The following ZKSCAN7 variants were observed in gnomAD, a reference collection of about 807,000 sequenced individuals.
ZKSCAN7 encodes the protein zinc finger protein with KRAB and SCAN domains 7.
A neutral mutation model predicts 65.3 loss-of-function variants in ZKSCAN7; 38 were observed. The ratio of observed to expected loss-of-function variants is 0.58; its 90% confidence interval spans 0.45 to 0.76. The LOEUF (loss-of-function observed/expected upper bound fraction) is 0.76, where lower values mean the gene tolerates loss of function less well. Among genes scored for constraint, ZKSCAN7 ranks in the 30% least tolerant of loss-of-function variants. The pLI is 0.00. For missense variants in ZKSCAN7, 815 were observed against 913.3 expected, an observed-to-expected ratio of 0.89 and a Z score of 1.39; for synonymous variants, 321 against 321.0, an observed-to-expected ratio of 1.00 and a Z score of 0.00.
chr3:44,577,458 CG>C (rs1016260594), intron 5 of ZKSCAN7, among the ~76,000 whole-genome samples: 6 of 152,112 alleles, frequency 3.9e-5, no homozygotes, highest in African/African-American at 1.2e-4. Flanking sequence ...GCCAGACTAG[CG>C]GGTGAGGAGT....
At chr3:44,579,451 C>CCTCTT (rs1700010808) in intron 5 of ZKSCAN7, among the ~76,000 whole-genome samples, 1 of 152,206 alleles carries the variant, frequency 6.6e-6, no homozygotes, top group South Asian at 2.1e-4. Context: ...ACGTGCGGCT[C>CCTCTT]CTCTTCTGCT....
intron 5 of ZKSCAN7, among the ~76,000 whole-genome samples, chr3:44,581,224 T>A (rs982594630): frequency 8.8e-5 from 13 of 147,202 alleles, no homozygotes; most frequent in African/African-American, 2.4e-4. Flanking sequence ...GACGCCCAGC[T>A]CCCGCCCGCA....
chr3:44,569,109 T>C (rs903763614), intron 5 of ZKSCAN7, among the ~76,000 whole-genome samples: 1 of 152,212 alleles, frequency 6.6e-6, no homozygotes, highest in African/African-American at 2.4e-5. Flanking sequence ...GCTATAGCCA[T>C]TACGCATCAT....
At chr3:44,572,201 C>T (rs184965084), downstream of ZKSCAN7, 302 of 985,412 alleles carry the variant, frequency 3.1e-4, no homozygotes, top group Middle Eastern at 5.2e-4. Context: ...CGATCTTTCT[C>T]CCCTCCCCAG....
At chr3:44,560,506 C>CTT (rs33986362) in intron 2 of ZKSCAN7, among the ~76,000 whole-genome samples, 7 of 108,410 alleles carry the variant, frequency 6.5e-5, no homozygotes, top group Non-Finnish European at 9.2e-5. Flanking sequence ...TTTCCTGTAT[C>CTT]TTTTTTTTTT....
Position 44,570,468 on chromosome 3 carries a change from A to G in ZKSCAN7, c.1358A>G (p.His453Arg). 6.2e-7 allele frequency: 1 copy of G among 1,614,214 alleles called. No homozygotes were observed. The highest frequency in any genetic ancestry group is 1.3e-5 in the African/African-American group (1 of 75,062). ...ECGKAYRHSS[H>R]LIQHQRLHNG... ...GGAAAGGCCTATAGGCACAGCTCCC[A>G]TCTCATTCAACACCAGAGACTCCAT... Residue 453 changes from histidine (H) to arginine (R), a missense_variant, in exon 6 of 6, where the codon CAT (histidine) becomes CGT (arginine). His to Arg is a conservative substitution (Grantham distance 29). Coordinates refer to ENST00000426540, the MANE Select transcript of ZKSCAN7 (RefSeq NM_001288590.2).
In ZKSCAN7 at chr3:44,557,275, G is replaced by A; in HGVS notation, c.228G>A (p.Arg76=). 1 of 1,614,268 alleles carries A rather than the reference G, an allele frequency of 6.2e-7. No homozygotes were observed. Among genetic ancestry groups the A allele is most frequent in the Non-Finnish European group, 8.5e-7 (1 of 1,180,054 alleles). The change falls in exon 2 of 6, where the codon CGG becomes CGA. Residue 76 remains arginine, a synonymous_variant. Coordinates refer to ENST00000426540, the MANE Select transcript of ZKSCAN7 (RefSeq NM_001288590.2). ...SGPQEALSRL[R]ELCRWWLMPE... is the part of the protein sequence containing the mutation. ...CGCAGGAAGCATTGAGCCGGCTTCG[G>A]GAGCTCTGCCGCTGGTGGCTCATGC...
In ZKSCAN7 at chr3:44,557,489, A is replaced by C. The variant is rs771107116; in HGVS notation, c.423+19A>C. 6.2e-7 allele frequency: 1 copy of C among 1,613,312 alleles called. No homozygotes were observed. The highest frequency in any genetic ancestry group is 1.3e-5 in the African/African-American group (1 of 75,004). Reference sequence around the variant, plus strand: ...AGAGGAGGTGAGCAGTTGAGTCTAGAATGGCGGCCTGATGCTTCTCTAATG... The same window carrying C: ...AGAGGAGGTGAGCAGTTGAGTCTAGCATGGCGGCCTGATGCTTCTCTAATG... On this transcript the variant is annotated intron_variant, in intron 2 of 5. Transcript: ENST00000426540.
rs963963294 is a variant in ZKSCAN7 at position 44,581,080 on chromosome 3, G to A, written c.812-1892G>A. ...GCCCGGCCGGCCTGGCGCTCCCGGCGGGCTAGGGGCTCAGCGCGGCCGCCG... is the reference window on the plus strand; with the variant it reads ...GCCCGGCCGGCCTGGCGCTCCCGGCAGGCTAGGGGCTCAGCGCGGCCGCCG... On this transcript the variant is annotated intron_variant, in intron 5 of 5. Coordinates refer to the ZKSCAN7 transcript ENST00000341840. The A allele has an allele frequency of 1.8e-3, 2,006 of 1,136,296 alleles. 14 individuals carry two copies. The highest frequency in any genetic ancestry group is 1.9e-3 in the Non-Finnish European group (1,751 of 918,030). The allele number at this position is 1,136,296 out of a possible 1,614,324, so 70.4% of individuals were successfully genotyped here.
chr3:44,568,348 G>T lies in ZKSCAN7; in HGVS notation c.726G>T (p.Gln242His). 1 of 1,614,110 alleles carries T rather than the reference G, an allele frequency of 6.2e-7. No individual in the cohort carries two copies. The highest frequency in any genetic ancestry group is 8.5e-7 in the Non-Finnish European group (1 of 1,180,010). ...AGGACCTATCTGTAGACTACACTCA[G>T]AAGAAATGGAAAAGTCTCACACTCA... ...AYEDLSVDYT[Q>H]KKWKSLTLSQ... Residue 242 changes from glutamine (Q) to histidine (H), a missense_variant, in exon 5 of 6, where the codon CAG becomes CAT. By Grantham distance (24) the Gln-to-His change is conservative. This residue lies in a region of ZKSCAN7 where 578 missense variants were observed against 629.5 expected (regional missense o/e 0.92). Transcript: ENST00000426540.
rs1367862456 is a variant in ZKSCAN7 at position 44,557,128 on chromosome 3, G to GA, written c.83dup (p.Gln29AlafsTer72). On this transcript the variant is annotated frameshift_variant, in exon 2 of 6. Transcript: ENST00000426540. LOFTEE classifies it high-confidence loss of function. ...AGAAGCAAGAGGGGCGCCTGACTGT[G>GA]AAGCAGGAGCCAGCAAACCAGACCT... 6.2e-7 allele frequency: 1 copy of GA among 1,614,158 alleles called. No individual in the cohort carries two copies. Among genetic ancestry groups the GA allele is most frequent in the Admixed American group, 1.7e-5 (1 of 60,010 alleles).
At chr3:44,560,765 C>T (rs1434459753) in intron 2 of ZKSCAN7, among the ~76,000 whole-genome samples, 3 of 152,200 alleles carry the variant, frequency 2.0e-5, no homozygotes, top group Non-Finnish European at 4.4e-5. Flanking sequence ...GCCTCGTTCT[C>T]CCAAAGTGCT....
intron 2 of ZKSCAN7, among the ~76,000 whole-genome samples, chr3:44,564,888 C>T (rs371449523): frequency 2.0e-5 from 3 of 152,144 alleles, no homozygotes; most frequent in African/African-American, 7.2e-5. Flanking sequence ...GCAAACTCCA[C>T]CTCCCAGGAT....
rs1699797101 is a variant in ZKSCAN7 at position 44,571,180 on chromosome 3, C to T, written c.2070C>T (p.Pro690=). The T allele has an allele frequency of 1.8e-5, 29 of 1,614,170 alleles. No homozygotes were observed. The highest frequency in any genetic ancestry group is 2.5e-5 in the Non-Finnish European group (29 of 1,180,044). ...AGAGAACCCATACTGGGGAAAAACC[C>T]TATAAATGCAATGATTGTGGGAAAG... The part of the protein sequence containing the change: ...VHQRTHTGEK[P]YKCNDCGKAF... The change falls in exon 6 of 6, where the codon CCC becomes CCT. Residue 690 remains proline (P), a synonymous_variant. Transcript: ENST00000426540.
downstream of ZKSCAN7, among the ~76,000 whole-genome samples, chr3:44,574,986 C>T (rs945030890): frequency 6.6e-6 from 1 of 151,970 alleles, no homozygotes; most frequent in Non-Finnish European, 1.5e-5. Flanking sequence ...CTGTGCCCAG[C>T]AACCTATGTT....
chr3:44,572,057 C>A lies in ZKSCAN7; in HGVS notation c.*682C>A. On this transcript the variant is annotated 3_prime_UTR_variant, in exon 6 of 6. Transcript: ENST00000426540. ...TTTTGCGTGTCTGTATACTTTTATA[C>A]CAACTTATTGTAGGCTCTTTGAGGT... 1.0e-6 allele frequency: 1 copy of A among 985,316 alleles called. No homozygotes were observed. The highest frequency in any genetic ancestry group is 1.2e-6 in the Non-Finnish European group (1 of 829,840). The allele number at this position is 985,316 out of a possible 1,614,324, so 61.0% of individuals were successfully genotyped here.
In ZKSCAN7 at chr3:44,556,957, A is replaced by T; in HGVS notation, c.-91A>T. ...CACACTACCATCACCCCTTTCTCCA[A>T]CCCTGAAAAACAGTTCCTGAGACCT... On this transcript the variant is annotated 5_prime_UTR_variant, in exon 2 of 6. Coordinates refer to ENST00000426540, the MANE Select transcript of ZKSCAN7 (RefSeq NM_001288590.2). The T allele has an allele frequency of 1.3e-6, 2 of 1,560,472 alleles. No individual in the cohort carries two copies. The highest frequency in any genetic ancestry group is 1.7e-6 in the Non-Finnish European group (2 of 1,143,160).
Position 44,570,142 on chromosome 3 carries a change from A to T in ZKSCAN7, c.1032A>T (p.Glu344Asp). The change falls in exon 6 of 6, where the codon GAA becomes GAT. Residue 344 changes from glutamate (E) to aspartate (D), a missense_variant. Coordinates refer to ENST00000426540, the MANE Select transcript of ZKSCAN7 (RefSeq NM_001288590.2). Reference protein sequence around the residue: ...LENDFLEITDEDKKKSTKDRY... With the variant: ...LENDFLEITDDDKKKSTKDRY... ...ATGATTTCTTGGAAATAACAGATGA[A>T]GATAAGAAAAAATCCACAAAAGACA... 1 of 1,614,142 alleles carries T rather than the reference A, an allele frequency of 6.2e-7. No homozygotes were observed. Among genetic ancestry groups the T allele is most frequent in the Non-Finnish European group, 8.5e-7 (1 of 1,180,036 alleles).
At chr3:44,568,026 T>C (rs1371233853) in intron 4 of ZKSCAN7, 23 bp downstream of exon 4, 3 of 1,193,180 alleles carry the variant, frequency 2.5e-6, no homozygotes, top group Admixed American at 2.3e-5. Context: ...CTTTGTGTTT[T>C]TACCAAGTCC....
Sources: allele counts gnomAD v4.1 joint callset (sites outside exome capture counted in the v4.1 genomes callset), GRCh38; gene constraint gnomAD v4.1.1; regional missense constraint gnomAD v4.1.1; transcripts MANE v1.5; gene names NCBI Gene and HGNC (gene_info 2026-07-23, HGNC 2026-07-21).